Variants in KLHL6 observed in about 807,000 individuals in gnomAD.
KLHL6 encodes the protein kelch like family member 6, also known as kelch-like protein 6.
A neutral mutation model predicts 58.6 loss-of-function variants in KLHL6; 41 were observed. The ratio of observed to expected loss-of-function variants is 0.70; its 90% CI spans 0.55 to 0.91. The LOEUF is 0.91. Among genes scored for constraint, KLHL6 ranks in the 40% least tolerant of loss-of-function variants. KLHL6 has a pLI of 0.00. For synonymous variants in KLHL6, 338 were observed against 322.7 expected (o/e 1.05, Z -0.51); for missense variants, 714 against 805.6 (o/e 0.89, Z 1.38).
rs544504091 is a variant in KLHL6 at position 183,548,005 on chromosome 3, G to A, written c.293+7356C>T. 7.9e-5 allele frequency among the ~76,000 whole-genome samples: 12 copies of A among 152,306 alleles called. No individual in the cohort carries two copies. In the South Asian group the frequency reaches 2.3e-3, roughly 29 times the overall value. On this transcript the variant is annotated intron_variant, in intron 1 of 6. Coordinates refer to ENST00000341319, the MANE Select transcript of KLHL6 (RefSeq NM_130446.4). ...CCTTGTGCTCATACACACATGCACA[G>A]GCAGGATACTGTTGGAACATTCATT... is the stretch of plus-strand genomic sequence containing the variant.
chr3:183,539,775 G>A (rs1202331190), intron 1 of KLHL6, among the ~76,000 whole-genome samples: 1 of 151,682 alleles, frequency 6.6e-6, no homozygotes, highest in African/African-American at 2.4e-5. Flanking sequence ...CACTCCTCAA[G>A]GACACTGCCC....
intron 1 of KLHL6, 68 bp from the exon 2 acceptor site, chr3:183,528,078 T>G: frequency 6.4e-7 from 1 of 1,563,734 alleles, no homozygotes; most frequent in Non-Finnish European, 8.8e-7. Flanking sequence ...GAGATCCCCT[T>G]TCAGACTCAT....
chr3:183,503,089 C>T (rs754895293), intron 3 of KLHL6, among the ~76,000 whole-genome samples: 16 of 152,330 alleles, frequency 1.1e-4, no homozygotes, highest in Non-Finnish European at 1.9e-4. Flanking sequence ...AAGTGTTTGC[C>T]AATGAATTGC....
chr3:183,532,006 T>A (rs1712179638), intron 1 of KLHL6, among the ~76,000 whole-genome samples: 1 of 152,210 alleles, frequency 6.6e-6, no homozygotes, highest in African/African-American at 2.4e-5. Context: ...ATTTTGCATA[T>A]AAGAAGGACA....
intron 4 of KLHL6, among the ~76,000 whole-genome samples, chr3:183,498,434 G>A (rs1388979079): frequency 1.3e-5 from 2 of 152,088 alleles, no homozygotes; most frequent in African/African-American, 4.8e-5. Flanking sequence ...CCTTCCTTAG[G>A]GTCCCAGGGA....
Position 183,552,696 on chromosome 3 carries a change from C to T in KLHL6, c.293+2665G>A, listed in dbSNP as rs1464566844. Among the ~76,000 whole-genome samples the T allele has an allele frequency of 2.6e-4, 33 of 124,708 alleles. 2 individuals carry two copies. The Admixed American group carries it at 2.7e-3, about 10-fold the overall frequency. The allele number at this position is 124,708 out of a possible 152,430, so 81.8% of individuals were successfully genotyped here. A position where few individuals can be genotyped will look rare whatever the true frequency, so the allele number is the denominator to read the frequency against. ...TTGTGCCACTGCACTCCAGCCTGGG[C>T]GACAGAGCGAGACTCCGTCTCAAAA... On this transcript the variant is annotated intron_variant, in intron 1 of 6. Transcript: ENST00000341319.
At position 183,527,862 on chromosome 3, in the gene KLHL6, C is replaced by T; in HGVS notation, c.442G>A (p.Ala148Thr). ...TKQNVQRVLE[A>T]ANLFQFLRMV... Reference sequence around the variant, plus strand: ...TCACACACCTGGAAGAGGTTAGCAGCCTCCAGGACCCGCTGGACATTCTGC... The same window carrying T: ...TCACACACCTGGAAGAGGTTAGCAGTCTCCAGGACCCGCTGGACATTCTGC... The change falls in exon 2 of 7, where the codon GCT (alanine) becomes ACT (threonine). Residue 148 changes from alanine to threonine, a missense_variant. By Grantham distance (58) the Ala-to-Thr change is moderately conservative. Coordinates refer to ENST00000341319, the MANE Select transcript of KLHL6 (RefSeq NM_130446.4). 1 of 1,613,946 alleles carries T rather than the reference C, an allele frequency of 6.2e-7. No homozygotes were observed. The highest frequency in any genetic ancestry group is 8.5e-7 in the Non-Finnish European group (1 of 1,179,976).
At chr3:183,543,948 G>A (rs1465530630) in intron 1 of KLHL6, among the ~76,000 whole-genome samples, 2 of 152,294 alleles carry the variant, frequency 1.3e-5, no homozygotes, top group East Asian at 3.9e-4. Context: ...CGGATCACCT[G>A]AGATCAGGAG....
intron 2 of KLHL6, among the ~76,000 whole-genome samples, chr3:183,510,493 CAGG>C (rs1462865847): frequency 2.0e-5 from 3 of 152,116 alleles, no homozygotes; most frequent in Non-Finnish European, 4.4e-5. Context: ...CAGAGCATTC[CAGG>C]GAACACATCC....
In KLHL6 at chr3:183,499,345, C is replaced by CA. The variant is rs142652539; in HGVS notation, c.1147+244dup. Among the ~76,000 whole-genome samples the CA allele has an allele frequency of 0.4, 58,695 of 145,688 alleles. 13,687 individuals are homozygous for CA. The highest frequency in any genetic ancestry group is 0.53 in the Non-Finnish European group (35,266 of 66,668). On this transcript the variant is annotated intron_variant, in intron 4 of 6. Transcript: ENST00000341319. The surrounding 1 kb of genome is among the most constrained non-coding windows in gnomAD (Gnocchi z 4.6). ...TGAGCAACAGAGCGAGACGCTGTCT[C>CA]AAAAAAAAAAGAAAAGAAAAGAAAA...
chr3:183,495,139 C>T (rs1198838064), intron 4 of KLHL6, among the ~76,000 whole-genome samples: 1 of 152,182 alleles, frequency 6.6e-6, no homozygotes, highest in East Asian at 1.9e-4. Context: ...TTACTGACCA[C>T]ATTCTGTGTC....
At chr3:183,518,660 G>A (rs762643443) in intron 2 of KLHL6, among the ~76,000 whole-genome samples, 2 of 152,186 alleles carry the variant, frequency 1.3e-5, no homozygotes, top group East Asian at 3.8e-4. Flanking sequence ...CTTGGCTTTT[G>A]AGTTTCTAAA....
Position 183,499,112 on chromosome 3 carries a change from C to T in KLHL6, c.1147+478G>A, listed in dbSNP as rs962248237. 6.6e-6 allele frequency among the ~76,000 whole-genome samples: 1 copy of T among 152,178 alleles called. No homozygotes were observed. Among genetic ancestry groups the T allele is most frequent in the Non-Finnish European group, 1.5e-5 (1 of 68,038 alleles). On this transcript the variant is annotated intron_variant, in intron 4 of 6. Transcript: ENST00000341319. This position sits in a 1 kb window ranked among gnomAD's most constrained non-coding sequence, Gnocchi z 4.6. ...ATCCCAGCACTTTGGGAGGCCGAAG[C>T]TGGTGCATCACCTATGGTCAGGAGT...
chr3:183,491,901 G>A lies in KLHL6; in HGVS notation c.*26C>T. The A allele has an allele frequency of 1.4e-6, 2 of 1,459,204 alleles. No homozygotes were observed. Among genetic ancestry groups the A allele is most frequent in the East Asian group, 2.5e-5 (1 of 39,754 alleles). 90.4% of individuals were successfully genotyped at this position (1,459,204 alleles called of 1,614,324 possible). On this transcript the variant is annotated 3_prime_UTR_variant, in exon 7 of 7. Transcript: ENST00000341319. ...GAGGCGGGTACGCTGAGGGTCGGGG[G>A]GGCTCTCCAGCTCCCCATCCTGCCG...
rs754848842 is a variant in KLHL6, at chr3:183,536,344, C to T, written c.294-8334G>A. 6.6e-4 allele frequency among the ~76,000 whole-genome samples: 100 copies of T among 152,364 alleles called. 1 individual carries two copies. The highest frequency in any genetic ancestry group is 3.4e-3 in the Middle Eastern group (1 of 294). ...CCGTGATACTCTCTGACCACACTGA[C>T]TGTCTTTGGTTACAGGCCATCCAGG... On this transcript the variant is annotated intron_variant, in intron 1 of 6. Coordinates refer to ENST00000341319, the MANE Select transcript of KLHL6 (RefSeq NM_130446.4).
intron 2 of KLHL6, among the ~76,000 whole-genome samples, chr3:183,514,197 T>A (rs1433007765): frequency 6.6e-6 from 1 of 152,174 alleles, no homozygotes; most frequent in Non-Finnish European, 1.5e-5. Context: ...AACCAAATAA[T>A]ACAACACGGA....
At position 183,499,783 on chromosome 3, in the gene KLHL6, A is replaced by T; in HGVS notation, c.954T>A (p.Ser318=). 6.2e-7 allele frequency: 1 copy of T among 1,605,320 alleles called. No individual in the cohort carries two copies. The highest frequency in any genetic ancestry group is 1.1e-5 in the South Asian group (1 of 88,878). The change falls in exon 4 of 7, where the codon TCT becomes TCA. Residue 318 remains serine, a synonymous_variant. Transcript: ENST00000341319. This position sits in a 1 kb window ranked among gnomAD's most constrained non-coding sequence, Gnocchi z 4.6. The part of the protein sequence containing the change: ...RTKPRMHEFQ[S]EVFMIIGGCT... ...AGCCGCCAATGATCATGAACACCTC[A>T]GACTGGAACTCATGCATCCTGGGCT... is the stretch of plus-strand genomic sequence containing the variant.
chr3:183,513,095 A>G (rs1276547002), intron 2 of KLHL6, among the ~76,000 whole-genome samples: 1 of 152,212 alleles, frequency 6.6e-6, no homozygotes, highest in Non-Finnish European at 1.5e-5. Context: ...TATACTGAGC[A>G]TGAACATTAT....
chr3:183,534,933 CAT>C (rs377650262), intron 1 of KLHL6, among the ~76,000 whole-genome samples: 2,055 of 137,790 alleles, frequency 0.015, 25 homozygotes, highest in South Asian at 0.024. Context: ...CATATATATA[CAT>C]ATATATATAT....
Sources: gnomAD v4.1 joint callset for allele counts (sites outside exome capture counted in the v4.1 genomes callset) on GRCh38, gnomAD v4.1.1 for gene constraint, Gnocchi (gnomAD v3.1) non-coding constraint, MANE v1.5 for transcripts, NCBI Gene and HGNC (gene_info 2026-07-23, HGNC 2026-07-21) for gene names.